Variants in MPZL1 observed in about 807,000 individuals in gnomAD.
The protein encoded by MPZL1 is myelin protein zero like 1, also known as myelin protein zero-like protein 1.
Under a neutral mutation model 29.3 loss-of-function variants are expected in MPZL1, and 16 were observed. The observed-to-expected ratio is 0.55, with a 90% confidence interval of 0.37 to 0.83. MPZL1 has a LOEUF of 0.83. Among genes scored for constraint, MPZL1 ranks in the 40% least tolerant of loss-of-function variants. The pLI is 0.00. For synonymous variants in MPZL1, 143 were observed against 132.0 expected (o/e 1.08, Z -0.57); for missense variants, 279 against 332.9 (o/e 0.84, Z 1.26).
chr1:167,759,681 T>G (rs1338665761), intron 1 of MPZL1, among the ~76,000 whole-genome samples: 1 of 147,214 alleles, frequency 6.8e-6, no homozygotes, highest in Non-Finnish European at 1.5e-5. Flanking sequence ...CTCGCTGCAA[T>G]CAACTACGCA....
intron 1 of MPZL1, among the ~76,000 whole-genome samples, chr1:167,756,045 T>G (rs1660861941): frequency 6.6e-6 from 1 of 152,166 alleles, no homozygotes; most frequent in Non-Finnish European, 1.5e-5. Flanking sequence ...AAGATCTTTG[T>G]TGGTACAAAA....
chr1:167,784,805 G>C (rs867036203), intron 5 of MPZL1, among the ~76,000 whole-genome samples: 2 of 152,180 alleles, frequency 1.3e-5, no homozygotes, highest in African/African-American at 4.8e-5. Flanking sequence ...ATTCTAAGGG[G>C]GAAGAGGAAT....
Position 167,722,081 on chromosome 1 carries a change from C to A in MPZL1, c.-71C>A. 8.1e-7 allele frequency: 1 copy of A among 1,231,008 alleles called. No individual in the cohort carries two copies. The highest frequency in any genetic ancestry group is 1.0e-6 in the Non-Finnish European group (1 of 987,094). 76.3% of individuals were successfully genotyped at this position (1,231,008 alleles called of 1,614,324 possible). A position where few individuals can be genotyped will look rare whatever the true frequency, so the allele number is the denominator to read the frequency against. On this transcript the variant is annotated 5_prime_UTR_variant, in exon 1 of 6. Transcript: ENST00000359523. ...AGAGATCAGAAGCCTCTTCCCCAAG[C>A]CGAGCCAACCTCAGCGGGGACCCGG... is the stretch of plus-strand genomic sequence containing the variant.
chr1:167,771,666 C>T (rs1043802398), intron 2 of MPZL1, among the ~76,000 whole-genome samples: 1 of 151,672 alleles, frequency 6.6e-6, no homozygotes, highest in East Asian at 1.9e-4. Context: ...AGAGGGGCTC[C>T]TCACATCCCA....
chr1:167,773,588 C>T, intron 4 of MPZL1: 2 of 473,154 alleles, frequency 4.2e-6, no homozygotes. Flanking sequence ...GTTCCAGTTT[C>T]CTTCTTAGGT....
chr1:167,738,418 G>A (rs4657704), intron 1 of MPZL1, among the ~76,000 whole-genome samples: 31,179 of 152,050 alleles, frequency 0.21, 5,084 homozygotes, highest in African/African-American at 0.45. Context: ...TAAGATGTCC[G>A]TGTAACTACT....
chr1:167,722,018 G>C lies in MPZL1; in HGVS notation c.-134G>C, dbSNP rs1571124746. On this transcript the variant is annotated 5_prime_UTR_variant, in exon 1 of 6. Coordinates refer to ENST00000359523, the MANE Select transcript of MPZL1 (RefSeq NM_003953.6). ...GAGCCGCGGCTGGGACCGGAGTGGG[G>C]AGCGCGGCGTGGAGGTGCCACCCGG... The C allele has an allele frequency of 4.2e-6, 5 of 1,186,206 alleles. No individual in the cohort carries two copies. The highest frequency in any genetic ancestry group is 6.4e-5 in the East Asian group (2 of 31,334). 73.5% of individuals were successfully genotyped at this position (1,186,206 alleles called of 1,614,324 possible).
intron 1 of MPZL1, among the ~76,000 whole-genome samples, chr1:167,734,180 C>T (rs900452027): frequency 6.6e-6 from 1 of 151,538 alleles, no homozygotes; most frequent in African/African-American, 2.4e-5. Context: ...GGCGTGAACC[C>T]AGGAGGCAGA....
chr1:167,787,856 G>A lies in MPZL1; in HGVS notation c.745G>A (p.Gly249Arg), dbSNP rs146869026. 33 of 1,613,878 alleles carry A rather than the reference G, an allele frequency of 2.0e-5. No homozygotes were observed. The highest frequency in any genetic ancestry group is 2.0e-4 in the African/African-American group (15 of 75,016). ...VIYAQLDHSGGHHSDKINKSE... is the reference protein window; with the variant it reads ...VIYAQLDHSGRHHSDKINKSE... ...ATATGCACAGTTAGACCACTCCGGC[G>A]GACATCACAGTGACAAGATTAACAA... Residue 249 changes from glycine to arginine, a missense_variant, in exon 6 of 6, where the codon GGA becomes AGA. Physicochemically the swap from Gly to Arg is moderately radical, Grantham distance 125. Coordinates refer to ENST00000359523, the MANE Select transcript of MPZL1 (RefSeq NM_003953.6).
At chr1:167,724,469 A>T (rs1343985186) in intron 1 of MPZL1, among the ~76,000 whole-genome samples, 4 of 152,206 alleles carry the variant, frequency 2.6e-5, no homozygotes, top group African/African-American at 9.7e-5. Flanking sequence ...GATGATGAAG[A>T]TCTGAATTCA....
intron 1 of MPZL1, among the ~76,000 whole-genome samples, chr1:167,759,136 C>T (rs1388563074): frequency 6.6e-6 from 1 of 152,190 alleles, no homozygotes; most frequent in African/African-American, 2.4e-5. Flanking sequence ...ATTTTTGCCA[C>T]TATGCCATAA....
chr1:167,730,624 A>T (rs187211721), intron 1 of MPZL1, among the ~76,000 whole-genome samples: 82 of 152,300 alleles, frequency 5.4e-4, no homozygotes, highest in Non-Finnish European at 2.6e-4. Context: ...TCCCGCTATC[A>T]AGAGCACAAG....
At chr1:167,751,194 A>G (rs1009215393) in intron 1 of MPZL1, among the ~76,000 whole-genome samples, 4 of 152,208 alleles carry the variant, frequency 2.6e-5, no homozygotes, top group African/African-American at 7.2e-5. Flanking sequence ...GAAACTAGGC[A>G]ACTATCATGT....
chr1:167,758,899 T>A (rs1317379318), intron 1 of MPZL1, among the ~76,000 whole-genome samples: 1 of 152,222 alleles, frequency 6.6e-6, no homozygotes, highest in Non-Finnish European at 1.5e-5. Context: ...AGAGAGAAAG[T>A]AAGCTCAGCT....
chr1:167,772,532 A>G (rs1336158333), intron 3 of MPZL1, 44 bp downstream of exon 3: 1 of 1,523,862 alleles, frequency 6.6e-7, no homozygotes, highest in Admixed American at 1.8e-5. Flanking sequence ...AGTCTCCTTT[A>G]TCTCATGTTT....
rs75174192 is a variant in MPZL1 at position 167,769,932 on chromosome 1, G to A, written c.259-2343G>A. Reference sequence around the variant, plus strand: ...ACAATATTGGGGGATTAACTGGATAGGAAGAAAGAGAATCAAGGATGACTT... The same window carrying A: ...ACAATATTGGGGGATTAACTGGATAAGAAGAAAGAGAATCAAGGATGACTT... On this transcript the variant is annotated intron_variant, in intron 2 of 5. Coordinates refer to ENST00000359523, the MANE Select transcript of MPZL1 (RefSeq NM_003953.6). Among the ~76,000 whole-genome samples the A allele has an allele frequency of 8.3e-3, 1,261 of 152,296 alleles. 14 individuals are homozygous for A. The highest frequency in any genetic ancestry group is 0.028 in the African/African-American group (1,154 of 41,556).
intron 1 of MPZL1, among the ~76,000 whole-genome samples, chr1:167,755,856 T>C (rs1660859730): frequency 6.6e-6 from 1 of 152,132 alleles, no homozygotes; most frequent in Admixed American, 6.5e-5. Context: ...TCTCAGTGTG[T>C]GTTTGAAAGA....
chr1:167,747,968 A>G (rs1427589699), intron 1 of MPZL1, among the ~76,000 whole-genome samples: 1 of 152,236 alleles, frequency 6.6e-6, no homozygotes, highest in African/African-American at 2.4e-5. Flanking sequence ...TTATATGGAT[A>G]GAATCAGATA....
chr1:167,739,046 A>T (rs1660446200), intron 1 of MPZL1, among the ~76,000 whole-genome samples: 1 of 151,558 alleles, frequency 6.6e-6, no homozygotes, highest in Non-Finnish European at 1.5e-5. Context: ...GGTTCAAGCG[A>T]TTCTCCCACC....
Sources: gnomAD v4.1 joint callset for allele counts (sites outside exome capture counted in the v4.1 genomes callset) on GRCh38, gnomAD v4.1.1 for gene constraint, MANE v1.5 for transcripts, NCBI Gene and HGNC (gene_info 2026-07-23, HGNC 2026-07-21) for gene names.